Variants in ZNF385D observed in about 807,000 individuals in gnomAD.
ZNF385D encodes zinc finger protein 659.
ZNF385D carries 15 observed loss-of-function variants against 35.8 expected under a neutral mutation model. The ratio of observed to expected loss-of-function variants is 0.42; its 90% confidence interval spans 0.28 to 0.64. The LOEUF is 0.64. Among genes scored for constraint, ZNF385D ranks in the 30% least tolerant of loss-of-function variants. The pLI, the probability that ZNF385D is intolerant of heterozygous loss-of-function variation, is 0.23. For synonymous variants in ZNF385D, 212 were observed against 186.8 expected, an observed-to-expected ratio of 1.13 and a Z score of -1.10; for missense variants, 474 against 494.6, an observed-to-expected ratio of 0.96 and a Z score of 0.39.
chr3:21,805,989 C>T (rs890414953), intron 3 of ZNF385D, among the ~76,000 whole-genome samples: 5 of 152,112 alleles, frequency 3.3e-5, no homozygotes, highest in African/African-American at 1.2e-4. Context: ...TGTAAAAATA[C>T]AATGTCTATA....
chr3:21,781,302 A>G (rs571579998), intron 3 of ZNF385D, among the ~76,000 whole-genome samples: 14 of 152,236 alleles, frequency 9.2e-5, no homozygotes, highest in African/African-American at 3.4e-4. Flanking sequence ...AAGCGGTAGC[A>G]ATCTAAACCT....
intron 1 of ZNF385D, among the ~76,000 whole-genome samples, chr3:21,676,807 T>C (rs1401881219): frequency 6.6e-6 from 1 of 151,740 alleles, no homozygotes; most frequent in Non-Finnish European, 1.5e-5. Flanking sequence ...TTTTTTTTAT[T>C]GTATTATACC....
At chr3:21,610,286 C>G (rs929973572) in intron 2 of ZNF385D, among the ~76,000 whole-genome samples, 1 of 152,072 alleles carries the variant, frequency 6.6e-6, no homozygotes, top group Non-Finnish European at 1.5e-5. Flanking sequence ...AGATGTGACT[C>G]TAAAACTCTC....
rs938102804 is a variant in ZNF385D at position 21,913,322 on chromosome 3, A to G, written c.326-248294T>C. The stretch of plus-strand genomic sequence containing the variant: ...ACTTCTAACTGTACCCTCCTCACAT[A>G]AAACTATTTTCTCAGGTCGTATATC... On this transcript the variant is annotated intron_variant, in intron 3 of 5. Coordinates refer to the ZNF385D transcript ENST00000494108. Among the ~76,000 whole-genome samples, 10 of 152,130 alleles carry G rather than the reference A, an allele frequency of 6.6e-5. No homozygotes were observed. The South Asian group carries it at 1.0e-3, about 16-fold the overall frequency.
intron 3 of ZNF385D, among the ~76,000 whole-genome samples, chr3:22,123,986 A>ATATATATATATATATATATG (rs753742081): frequency 3.4e-4 from 41 of 122,342 alleles, no homozygotes; most frequent in Non-Finnish European, 5.7e-4. Flanking sequence ...ATATATATAT[A>ATATATATATATATATATATG]TATTGCTGAC....
chr3:21,881,752 C>T (rs533063045), intron 3 of ZNF385D, among the ~76,000 whole-genome samples: 1 of 152,106 alleles, frequency 6.6e-6, no homozygotes, highest in Non-Finnish European at 1.5e-5. Context: ...GGAAAGGACT[C>T]ATCATTCTAG....
At chr3:22,131,915 G>C (rs1268727185) in intron 3 of ZNF385D, among the ~76,000 whole-genome samples, 1 of 152,146 alleles carries the variant, frequency 6.6e-6, no homozygotes, top group East Asian at 1.9e-4. Flanking sequence ...ACTGGAGGCT[G>C]ATGCTAATGA....
At chr3:22,334,309 T>C (rs760380886) in intron 2 of ZNF385D, among the ~76,000 whole-genome samples, 16 of 152,188 alleles carry the variant, frequency 1.1e-4, no homozygotes, top group Admixed American at 5.2e-4. Flanking sequence ...TCTTTAATTA[T>C]GTATTTAGTG....
intron 3 of ZNF385D, among the ~76,000 whole-genome samples, chr3:22,080,883 G>C (rs990720618): frequency 1.1e-4 from 17 of 152,146 alleles, no homozygotes; most frequent in African/African-American, 3.9e-4. Flanking sequence ...TATGAACCAC[G>C]AAACAGACAC....
intron 3 of ZNF385D, among the ~76,000 whole-genome samples, chr3:22,107,890 A>G (rs892610285): frequency 6.6e-6 from 1 of 152,000 alleles, no homozygotes; most frequent in Non-Finnish European, 1.5e-5. Context: ...TGATGGTATT[A>G]TAATGGGGTG....
At chr3:21,800,464 T>C (rs1178096463) in intron 3 of ZNF385D, among the ~76,000 whole-genome samples, 1 of 152,130 alleles carries the variant, frequency 6.6e-6, no homozygotes. Flanking sequence ...AAGTTGAACA[T>C]CTAGTAGGTT....
intron 3 of ZNF385D, among the ~76,000 whole-genome samples, chr3:21,862,093 A>T (rs1231017259): frequency 6.6e-6 from 1 of 152,146 alleles, no homozygotes; most frequent in East Asian, 1.9e-4. Flanking sequence ...ATGTACAAAA[A>T]AAGTAGAGTA....
At chr3:21,556,062 GTTTTTGTTTTTTTT>G (rs2062726288) in intron 3 of ZNF385D, among the ~76,000 whole-genome samples, 1 of 93,140 alleles carries the variant, frequency 1.1e-5, no homozygotes, top group Admixed American at 1.0e-4. Flanking sequence ...CGTTTTTTTT[GTTTTTGTTTTTTTT>G]TTTTTTTTTT....
intron 3 of ZNF385D, among the ~76,000 whole-genome samples, chr3:21,760,164 A>T (rs762551182): frequency 1.1e-4 from 17 of 152,198 alleles, no homozygotes; most frequent in Non-Finnish European, 1.8e-4. Context: ...CTCATCTCTG[A>T]TCCTTTTGGT....
In ZNF385D at chr3:21,646,872, G is replaced by A. The variant is rs1468383202; in HGVS notation, c.165+18014C>T. Reference sequence around the variant, plus strand: ...TGGCAGTCCTATCCAGCCCCTCTCTGTCTGATGCTAAGGCTCAATGAAATC... The same window carrying A: ...TGGCAGTCCTATCCAGCCCCTCTCTATCTGATGCTAAGGCTCAATGAAATC... On this transcript the variant is annotated intron_variant, in intron 2 of 7. Transcript: ENST00000281523. The surrounding 1 kb of genome is among the most constrained non-coding windows in gnomAD (Gnocchi z 4.3). 6.6e-6 allele frequency among the ~76,000 whole-genome samples: 1 copy of A among 152,172 alleles called. No homozygotes were observed. Among genetic ancestry groups the A allele is most frequent in the African/African-American group, 2.4e-5 (1 of 41,446 alleles).
At chr3:22,222,640 T>C (rs557634138) in intron 2 of ZNF385D, among the ~76,000 whole-genome samples, 163 of 152,270 alleles carry the variant, frequency 1.1e-3, no homozygotes, top group Non-Finnish European at 2.1e-3. Flanking sequence ...GCTCTGAAGC[T>C]CAGTGTTTTC....
intron 3 of ZNF385D, among the ~76,000 whole-genome samples, chr3:22,106,909 C>T (rs1702243175): frequency 6.6e-6 from 1 of 152,068 alleles, no homozygotes. Context: ...TCTTCCTCTA[C>T]TCTTGCTAGT....
intron 4 of ZNF385D, among the ~76,000 whole-genome samples, chr3:21,467,256 G>A (rs1315965791): frequency 6.6e-6 from 1 of 152,074 alleles, no homozygotes; most frequent in African/African-American, 2.4e-5. Flanking sequence ...TTTTCAAAAT[G>A]TAAAAACCAA....
chr3:21,474,190 T>G (rs1431173167), intron 4 of ZNF385D, among the ~76,000 whole-genome samples: 2 of 152,076 alleles, frequency 1.3e-5, no homozygotes, highest in African/African-American at 4.8e-5. Flanking sequence ...TCTTCTTTAT[T>G]GCTTTCCATT....
Sources: gnomAD v4.1 joint callset for allele counts (sites outside exome capture counted in the v4.1 genomes callset) on GRCh38, gnomAD v4.1.1 for gene constraint, Gnocchi (gnomAD v3.1) non-coding constraint, MANE v1.5 for transcripts, NCBI Gene and HGNC (gene_info 2026-07-23, HGNC 2026-07-21) for gene names.